EYS: variants seen among roughly 807,000 people sequenced by gnomAD.
EYS encodes the protein protein eyes shut homolog.
Under a neutral mutation model 282.1 loss-of-function variants are expected in EYS, and 250 were observed. The observed-to-expected ratio is 0.89, with a 90% CI of 0.80 to 0.98. EYS has a LOEUF of 0.98. EYS is among the 50% of genes least tolerant of loss of function. EYS has a pLI of 0.00. For missense variants in EYS, 4,016 were observed against 3,709.0 expected (o/e 1.08, Z -2.15); for synonymous variants, 1,355 against 1,282.9 (o/e 1.06, Z -1.20).
In EYS at chr6:64,912,612, G is replaced by A. The variant is rs867716723; in HGVS notation, c.2513C>T (p.Pro838Leu). 1.3e-5 allele frequency: 20 copies of A among 1,550,900 alleles called. No homozygotes were observed. In the African/African-American group the frequency reaches 2.6e-4, roughly 20 times the overall value. ...GCAAAATTGTCCAGTATAAAGGGGT[G>A]GGCACAGACATACAAATTGTCCAGG... ...TIPGQFVCLCPPLYTGQFCHQ... is the reference protein window; with the variant it reads ...TIPGQFVCLCLPLYTGQFCHQ... Residue 838 changes from proline to leucine, a missense_variant, in exon 16 of 43, where the codon CCA (proline) becomes CTA (leucine). Coordinates refer to ENST00000503581, the MANE Select transcript of EYS (RefSeq NM_001142800.2).
At chr6:64,365,214 A>G (rs1561952837) in intron 29 of EYS, among the ~76,000 whole-genome samples, 1 of 152,014 alleles carries the variant, frequency 6.6e-6, no homozygotes, top group African/African-American at 2.4e-5. Context: ...CTAGCAAATG[A>G]GAGAAAAAAG....
intron 23 of EYS, among the ~76,000 whole-genome samples, chr6:64,620,833 T>C (rs1767423299): frequency 6.6e-6 from 1 of 152,176 alleles, no homozygotes; most frequent in African/African-American, 2.4e-5. Context: ...AACCAAAAAT[T>C]GTCATTAGCA....
intron 26 of EYS, among the ~76,000 whole-genome samples, chr6:64,544,060 G>A (rs988731382): frequency 3.3e-5 from 5 of 152,022 alleles, no homozygotes; most frequent in East Asian, 3.8e-4. Flanking sequence ...TCTACAAAAC[G>A]GGTTTTAAAA....
intron 29 of EYS, among the ~76,000 whole-genome samples, chr6:64,384,845 G>C (rs1003241612): frequency 1.3e-5 from 2 of 152,126 alleles, no homozygotes; most frequent in African/African-American, 4.8e-5. Flanking sequence ...TGAGCTCTGG[G>C]TGATTTTGTT....
intron 26 of EYS, among the ~76,000 whole-genome samples, chr6:64,586,993 T>G (rs1766253986): frequency 6.6e-6 from 1 of 152,094 alleles, no homozygotes; most frequent in African/African-American, 2.4e-5. Flanking sequence ...GTATGTTAAA[T>G]TAAATCACAC....
intron 31 of EYS, among the ~76,000 whole-genome samples, chr6:64,121,845 G>A (rs1432172561): frequency 6.6e-6 from 1 of 152,112 alleles, no homozygotes; most frequent in Non-Finnish European, 1.5e-5. Context: ...CTAATAAAGG[G>A]CTGATATCCC....
At chr6:64,223,172 C>T (rs1349456368) in intron 31 of EYS, among the ~76,000 whole-genome samples, 1 of 151,888 alleles carries the variant, frequency 6.6e-6, no homozygotes, top group African/African-American at 2.4e-5. Flanking sequence ...TCACTGAATA[C>T]CAATTTTTTT....
intron 5 of EYS, among the ~76,000 whole-genome samples, chr6:65,478,193 A>G (rs1765477979): frequency 1.3e-5 from 2 of 152,258 alleles, no homozygotes; most frequent in African/African-American, 4.8e-5. Context: ...AAGATATAAT[A>G]TATGAATGAC....
At position 64,743,698 on chromosome 6, in the gene EYS, C is replaced by T. The variant is rs369860580; in HGVS notation, c.3443+69680G>A. ...TTCATTGATTTAAATATCCAAAGTT[C>T]TGGAGAAGTTACTTGATTTTTTTGT... On this transcript the variant is annotated intron_variant, in intron 22 of 42. Coordinates refer to ENST00000503581, the MANE Select transcript of EYS (RefSeq NM_001142800.2). 5.3e-4 allele frequency among the ~76,000 whole-genome samples: 80 copies of T among 152,120 alleles called. No homozygotes were observed. The South Asian group carries it at 0.017, about 32-fold the overall frequency.
intron 23 of EYS, among the ~76,000 whole-genome samples, chr6:64,621,184 T>C (rs1767436698): frequency 6.6e-6 from 1 of 152,154 alleles, no homozygotes; most frequent in Non-Finnish European, 1.5e-5. Context: ...TTAAATACAT[T>C]GATATATTCA....
At chr6:64,618,345 T>C (rs1562094851) in intron 23 of EYS, among the ~76,000 whole-genome samples, 1 of 152,204 alleles carries the variant, frequency 6.6e-6, no homozygotes, top group Non-Finnish European at 1.5e-5. Flanking sequence ...ATGCCTAACA[T>C]GCTAGCCACA....
chr6:63,869,009 GA>G (rs949866994), intron 35 of EYS, among the ~76,000 whole-genome samples: 7 of 152,008 alleles, frequency 4.6e-5, no homozygotes, highest in East Asian at 1.9e-4. Context: ...AAAATAATGG[GA>G]AAAAAATGCA....
At chr6:65,379,966 G>A (rs975771896) in intron 8 of EYS, among the ~76,000 whole-genome samples, 1 of 151,986 alleles carries the variant, frequency 6.6e-6, no homozygotes, top group Non-Finnish European at 1.5e-5. Flanking sequence ...GGAAATAAGA[G>A]ATGACACAAA....
chr6:64,699,226 G>A (rs892125300), intron 22 of EYS, among the ~76,000 whole-genome samples: 1 of 152,096 alleles, frequency 6.6e-6, no homozygotes, highest in African/African-American at 2.4e-5. Context: ...CACAGGAACC[G>A]AAAACCAAAT....
intron 12 of EYS, among the ~76,000 whole-genome samples, chr6:65,128,823 T>G (rs761208263): frequency 6.6e-6 from 1 of 151,996 alleles, no homozygotes; most frequent in Non-Finnish European, 1.5e-5. Flanking sequence ...ATTCTGAAAT[T>G]CATATGGAAC....
intron 12 of EYS, among the ~76,000 whole-genome samples, chr6:65,169,245 A>G (rs756714961): frequency 2.0e-5 from 3 of 151,412 alleles, no homozygotes; most frequent in Non-Finnish European, 3.0e-5. Flanking sequence ...TAGATTGGAA[A>G]AGGCCAAGAG....
chr6:64,921,961 A>G (rs1310458954), intron 15 of EYS, among the ~76,000 whole-genome samples: 5 of 152,054 alleles, frequency 3.3e-5, no homozygotes, highest in East Asian at 2.0e-4. Context: ...TTAAAAAACA[A>G]GAACAAAAAT....
chr6:64,304,293 G>A (rs750627486), intron 30 of EYS, among the ~76,000 whole-genome samples: 13 of 151,918 alleles, frequency 8.6e-5, no homozygotes, highest in South Asian at 2.1e-4. Flanking sequence ...AATATATGAA[G>A]CAAAAAAGAC....
At chr6:63,773,406 G>T (rs945099719) in intron 40 of EYS, among the ~76,000 whole-genome samples, 2 of 152,194 alleles carry the variant, frequency 1.3e-5, no homozygotes, top group African/African-American at 2.4e-5. Flanking sequence ...TACCAAGCTG[G>T]CCATAGCTTC....
Sources: gnomAD v4.1 joint callset for allele counts (sites outside exome capture counted in the v4.1 genomes callset) on GRCh38, gnomAD v4.1.1 for gene constraint, MANE v1.5 for transcripts, NCBI Gene and HGNC (gene_info 2026-07-23, HGNC 2026-07-21) for gene names.